POLDIP3: variants seen among roughly 807,000 people sequenced by gnomAD.
POLDIP3 encodes the protein DNA polymerase delta interacting protein 3, also known as polymerase delta-interacting protein 3.
A neutral mutation model predicts 45.1 loss-of-function variants in POLDIP3; 14 were observed. The ratio of observed to expected loss-of-function variants is 0.31; its 90% CI spans 0.20 to 0.49. The LOEUF is 0.49. POLDIP3 is among the 20% of genes least tolerant of loss of function. POLDIP3 has a pLI of 0.99. For missense variants in POLDIP3, 511 were observed against 538.8 expected (o/e 0.95, Z 0.51); for synonymous variants, 223 against 205.2 (o/e 1.09, Z -0.74).
At chr22:42,604,363 G>A (rs968948469) in intron 1 of POLDIP3, among the ~76,000 whole-genome samples, 4 of 152,158 alleles carry the variant, frequency 2.6e-5, no homozygotes, top group African/African-American at 9.7e-5. Flanking sequence ...CTGGCTGAGT[G>A]TCAGAAACTC....
intron 6 of POLDIP3, among the ~76,000 whole-genome samples, chr22:42,594,662 T>C (rs1402136900): frequency 2.0e-5 from 3 of 152,248 alleles, no homozygotes; most frequent in Non-Finnish European, 4.4e-5. Context: ...ATTTCTAAAC[T>C]AATGGCTCTT....
chr22:42,590,927 A>G (rs1925625377), intron 7 of POLDIP3, among the ~76,000 whole-genome samples: 1 of 152,088 alleles, frequency 6.6e-6, no homozygotes, highest in Non-Finnish European at 1.5e-5. Context: ...CAAAAAAATT[A>G]GCTGGGCTTG....
intron 4 of POLDIP3, among the ~76,000 whole-genome samples, chr22:42,597,277 T>A (rs550969029): frequency 6.6e-6 from 1 of 152,228 alleles, no homozygotes; most frequent in African/African-American, 2.4e-5. Flanking sequence ...TTACAGGCAC[T>A]GACCCAGGGC....
At chr22:42,606,203 T>C (rs1427243867) in intron 1 of POLDIP3, among the ~76,000 whole-genome samples, 1 of 151,510 alleles carries the variant, frequency 6.6e-6, no homozygotes, top group Admixed American at 6.6e-5. Flanking sequence ...AGGTTGACAA[T>C]TTTTCACACA....
At chr22:42,592,282 T>G (rs1047369138) in intron 6 of POLDIP3, among the ~76,000 whole-genome samples, 198 bp from the exon 7 acceptor site, 6 of 152,112 alleles carry the variant, frequency 3.9e-5, no homozygotes, top group African/African-American at 1.4e-4. Context: ...AGGTCAGCAG[T>G]GGGAAAGGGG....
chr22:42,597,681 C>T (rs910084616), intron 4 of POLDIP3: 6 of 469,218 alleles, frequency 1.3e-5, no homozygotes, highest in Admixed American at 1.2e-4. Flanking sequence ...ACTGAGCAAG[C>T]TGATAGTTCC....
At chr22:42,593,453 C>T (rs1396188617) in intron 6 of POLDIP3, among the ~76,000 whole-genome samples, 1 of 152,176 alleles carries the variant, frequency 6.6e-6, no homozygotes, top group East Asian at 1.9e-4. Context: ...CAAGAGTCTG[C>T]CTAAAGTGAC....
chr22:42,614,619 C>T (rs904555738), intron 1 of POLDIP3, among the ~76,000 whole-genome samples, 180 bp downstream of exon 1: 3 of 152,128 alleles, frequency 2.0e-5, no homozygotes, highest in Non-Finnish European at 4.4e-5. Context: ...TGCGCCTCGG[C>T]CAGTGGGCGG....
Position 42,584,094 on chromosome 22 carries a change from T to A in POLDIP3, c.*1697A>T, listed in dbSNP as rs1465923963. 1.3e-5 allele frequency: 2 copies of A among 152,648 alleles called. No individual in the cohort carries two copies. The highest frequency in any genetic ancestry group is 2.9e-5 in the Non-Finnish European group (2 of 68,106). The allele number at this position is 152,648 out of a possible 1,614,324, so 9.5% of individuals were successfully genotyped here. On this transcript the variant is annotated 3_prime_UTR_variant, in exon 9 of 9. Coordinates refer to ENST00000252115, the MANE Select transcript of POLDIP3 (RefSeq NM_032311.5). ...TTTACCATCCCTACCCTAAGCACAG[T>A]GCAAGCAGTGAGCCCCCGGCTCCCA...
At chr22:42,610,032 G>T (rs1927025165) in intron 1 of POLDIP3, among the ~76,000 whole-genome samples, 1 of 151,984 alleles carries the variant, frequency 6.6e-6, no homozygotes, top group African/African-American at 2.4e-5. Context: ...AAATTAGCCG[G>T]GCGTAGTGGC....
rs1229853631 is a variant in POLDIP3 at position 42,591,970 on chromosome 22, T to G, written c.1006A>C (p.Asn336His). The G allele has an allele frequency of 6.2e-7, 1 of 1,614,048 alleles. No individual in the cohort carries two copies. The highest frequency in any genetic ancestry group is 8.5e-7 in the Non-Finnish European group (1 of 1,180,032). The part of the protein sequence containing the change: ...DAITAYKKYN[N>H]RCLDGQPMKC... The stretch of plus-strand genomic sequence containing the variant: ...CCTAACTTACCGTCCAGACACCGGT[T>G]GTTGTACTTCTTATATGCGGTGATG... Residue 336 changes from asparagine to histidine, a missense_variant, in exon 7 of 9, where the codon AAC becomes CAC. Around this residue, in one of 4 missense-constraint regions of POLDIP3, gnomAD observed 66 missense variants for 118.1 expected, o/e 0.56. Coordinates refer to ENST00000252115, the MANE Select transcript of POLDIP3 (RefSeq NM_032311.5).
intron 1 of POLDIP3, among the ~76,000 whole-genome samples, chr22:42,609,256 G>A (rs1432325441): frequency 3.3e-5 from 5 of 152,182 alleles, no homozygotes; most frequent in Non-Finnish European, 5.9e-5. Flanking sequence ...TAAATGTTTG[G>A]GAGGGCGAAG....
In POLDIP3 at chr22:42,587,406, G is replaced by C. The variant is rs1376922507; in HGVS notation, c.1088+100C>G. On this transcript the variant is annotated intron_variant, in intron 8 of 8. Coordinates refer to ENST00000252115, the MANE Select transcript of POLDIP3 (RefSeq NM_032311.5). ...GCCATTAGAACAGAGGAAACGGAAT[G>C]GGGGGATGAAGGGGAGCTGTGATGC... The C allele has an allele frequency of 3.6e-5, 44 of 1,210,600 alleles. No individual in the cohort carries two copies. The Middle Eastern group carries it at 1.4e-3, about 38-fold the overall frequency. The allele number at this position is 1,210,600 out of a possible 1,614,324, so 75.0% of individuals were successfully genotyped here. A position where few individuals can be genotyped will look rare whatever the true frequency, so the allele number is the denominator to read the frequency against.
chr22:42,599,670 C>T, intron 4 of POLDIP3, 28 bp downstream of exon 4: 1 of 1,502,266 alleles, frequency 6.7e-7, no homozygotes, highest in South Asian at 1.1e-5. Context: ...ATCAGACACG[C>T]AGTGTAAGAA....
rs757199091 is a variant in POLDIP3 at position 42,587,488 on chromosome 22, C to T, written c.1088+18G>A. 2 of 1,609,226 alleles carry T rather than the reference C, an allele frequency of 1.2e-6. No homozygotes were observed. The highest frequency in any genetic ancestry group is 1.7e-5 in the Admixed American group (1 of 60,010). On this transcript the variant is annotated intron_variant, in intron 8 of 8. Transcript: ENST00000252115. The stretch of plus-strand genomic sequence containing the variant: ...GGACGGAGCTGCCTCTCCCCAGCAC[C>T]CCGCCTTTGGAACTCACAGCAGGAT...
intron 2 of POLDIP3, 159 bp from the exon 3 acceptor site, chr22:42,602,215 G>A (rs545673420): frequency 2.6e-6 from 3 of 1,168,882 alleles, no homozygotes; most frequent in African/African-American, 3.1e-5. Flanking sequence ...AGTAACAGAA[G>A]AATCATCAAT....
At chr22:42,604,190 C>T (rs894541535) in intron 1 of POLDIP3, among the ~76,000 whole-genome samples, 32 of 152,316 alleles carry the variant, frequency 2.1e-4, no homozygotes, top group East Asian at 1.9e-4. Context: ...AAGGGGTGCT[C>T]TTTGGGAAAC....
intron 1 of POLDIP3, among the ~76,000 whole-genome samples, chr22:42,606,110 C>A (rs1301321520): frequency 6.6e-6 from 1 of 152,106 alleles, no homozygotes; most frequent in Non-Finnish European, 1.5e-5. Flanking sequence ...CCACTGCACT[C>A]CAGCCTGGGC....
intron 1 of POLDIP3, among the ~76,000 whole-genome samples, chr22:42,605,421 C>T (rs939855408): frequency 3.9e-5 from 6 of 152,200 alleles, no homozygotes; most frequent in East Asian, 1.9e-4. Flanking sequence ...CCACTGCGCC[C>T]GGCAGTTTCT....
Sources: allele counts gnomAD v4.1 joint callset (sites outside exome capture counted in the v4.1 genomes callset), GRCh38; gene constraint gnomAD v4.1.1; regional missense constraint gnomAD v4.1.1; transcripts MANE v1.5; gene names NCBI Gene and HGNC (gene_info 2026-07-23, HGNC 2026-07-21).